Variants in PDZRN3 observed in about 807,000 individuals in gnomAD.
The protein encoded by PDZRN3 is E3 ubiquitin-protein ligase PDZRN3.
A neutral mutation model predicts 85.7 loss-of-function variants in PDZRN3; 38 were observed. That is an observed-to-expected ratio of 0.44 (90% CI 0.34 to 0.58). The LOEUF is 0.58. Among genes scored for constraint, PDZRN3 ranks in the 20% least tolerant of loss-of-function variants. PDZRN3 has a pLI of 0.01. For synonymous variants in PDZRN3, 759 were observed against 638.0 expected, an observed-to-expected ratio of 1.19 and a Z score of -2.86; for missense variants, 1,629 against 1,506.4, an observed-to-expected ratio of 1.08 and a Z score of -1.35.
chr3:73,589,192 T>C lies in PDZRN3; in HGVS notation c.918+13162A>G, dbSNP rs192503856. ...CCCAAGTAGCTGGGACACTTTTGGT[T>C]TGTATTTGTCACAAGCAACGTGCTT... On this transcript the variant is annotated intron_variant, in intron 3 of 9. Coordinates refer to ENST00000263666, the MANE Select transcript of PDZRN3 (RefSeq NM_015009.3). 8.3e-4 allele frequency among the ~76,000 whole-genome samples: 127 copies of C among 152,108 alleles called. 1 individual carries two copies. Among genetic ancestry groups the C allele is most frequent in the Admixed American group, 2.8e-3 (43 of 15,264 alleles).
intron 4 of PDZRN3, among the ~76,000 whole-genome samples, chr3:73,402,238 A>C (rs775542168): frequency 6.6e-6 from 1 of 152,220 alleles, no homozygotes; most frequent in Non-Finnish European, 1.5e-5. Context: ...TTTAGCTTCT[A>C]AAAGGCCCAT....
intron 7 of PDZRN3, among the ~76,000 whole-genome samples, chr3:73,389,569 G>A (rs944646648): frequency 6.6e-6 from 1 of 152,090 alleles, no homozygotes; most frequent in African/African-American, 2.4e-5. Flanking sequence ...CTCAAATTTT[G>A]CAAGGCCCTC....
chr3:73,417,282 T>TCTCCC (rs557986342), intron 3 of PDZRN3, among the ~76,000 whole-genome samples: 43 of 152,354 alleles, frequency 2.8e-4, no homozygotes, highest in Middle Eastern at 3.4e-3. Flanking sequence ...TTGATAATTT[T>TCTCCC]CTCCCTCTTG....
At chr3:73,528,413 T>C (rs1704574550) in intron 3 of PDZRN3, among the ~76,000 whole-genome samples, 1 of 152,088 alleles carries the variant, frequency 6.6e-6, no homozygotes, top group Non-Finnish European at 1.5e-5. Flanking sequence ...TCACGCAATA[T>C]ACAGGGGAGC....
In PDZRN3 at chr3:73,432,753, C is replaced by T. The variant is rs1027417777; in HGVS notation, c.919-28358G>A. On this transcript the variant is annotated intron_variant, in intron 3 of 9. Transcript: ENST00000263666. ...CAAGAAACACACACCCTTTGTTTCT[C>T]ACTTGCTGTAACAACCTTCTTTTAA... Among the ~76,000 whole-genome samples the T allele has an allele frequency of 7.9e-5, 12 of 152,286 alleles. No homozygotes were observed. In the South Asian group the frequency reaches 2.3e-3, roughly 29 times the overall value.
At chr3:73,527,936 T>C (rs980222792) in intron 3 of PDZRN3, among the ~76,000 whole-genome samples, 4 of 152,194 alleles carry the variant, frequency 2.6e-5, no homozygotes, top group Non-Finnish European at 5.9e-5. Flanking sequence ...TATCCCACGA[T>C]GAGCAGATGT....
chr3:73,536,488 G>A (rs1003864637), intron 3 of PDZRN3, among the ~76,000 whole-genome samples: 2 of 152,232 alleles, frequency 1.3e-5, no homozygotes, highest in Admixed American at 6.5e-5. Flanking sequence ...AGGTATGTGT[G>A]TCATTTTGGA....
chr3:73,553,086 G>A (rs1701601396), intron 3 of PDZRN3, among the ~76,000 whole-genome samples: 1 of 152,200 alleles, frequency 6.6e-6, no homozygotes, highest in African/African-American at 2.4e-5. Context: ...ACAAGGAAGG[G>A]AAAGTGTTTT....
intron 2 of PDZRN3, among the ~76,000 whole-genome samples, chr3:73,604,289 T>C (rs1702561245): frequency 6.6e-6 from 1 of 152,202 alleles, no homozygotes; most frequent in Non-Finnish European, 1.5e-5. Flanking sequence ...GCAGCTTCCT[T>C]TACTGAGCAC....
At chr3:73,420,842 T>G (rs1702185868) in intron 3 of PDZRN3, among the ~76,000 whole-genome samples, 1 of 152,210 alleles carries the variant, frequency 6.6e-6, no homozygotes, top group African/African-American at 2.4e-5. Context: ...CCATGAATTC[T>G]CAAGTTCCTG....
intron 3 of PDZRN3, among the ~76,000 whole-genome samples, chr3:73,539,945 T>C (rs1559728941): frequency 6.6e-6 from 1 of 151,890 alleles, no homozygotes; most frequent in African/African-American, 2.4e-5. Context: ...ATAAAAGGAA[T>C]GGAAAAAATA....
chr3:73,593,707 TATACACACAC>T (rs1429969035), intron 3 of PDZRN3, among the ~76,000 whole-genome samples: 6 of 100,900 alleles, frequency 5.9e-5, no homozygotes, highest in Non-Finnish European at 2.0e-5. Flanking sequence ...CCGAAATAAA[TATACACACAC>T]ACACACACAC....
At chr3:73,426,036 A>C (rs1220338280) in intron 3 of PDZRN3, among the ~76,000 whole-genome samples, 2 of 152,178 alleles carry the variant, frequency 1.3e-5, no homozygotes, top group Non-Finnish European at 2.9e-5. Context: ...ATTGGAAATT[A>C]ATCAGGTTAC....
rs757769035 is a variant in PDZRN3 at position 73,383,656 on chromosome 3, C to T, written c.2910G>A (p.Gly970=). The T allele has an allele frequency of 6.2e-7, 1 of 1,613,106 alleles. No individual in the cohort carries two copies. ...TCCTCTCCTCCTTGCTCCAGTAGCG[C>T]CCCATCTTCATCTCGCTCACCGCGT... is the stretch of plus-strand genomic sequence containing the variant. ...DDDAVSEMKM[G]RYWSKEERKQ... Residue 970 remains glycine (G), a synonymous_variant, in exon 10 of 10, where the codon GGG becomes GGA. Transcript: ENST00000263666.
At chr3:73,572,093 A>C (rs1161536455) in intron 3 of PDZRN3, among the ~76,000 whole-genome samples, 1 of 152,246 alleles carries the variant, frequency 6.6e-6, no homozygotes, top group Non-Finnish European at 1.5e-5. Context: ...CTTTTAAAGA[A>C]AAGCAAGCTG....
chr3:73,394,621 T>A (rs944520737), intron 5 of PDZRN3, among the ~76,000 whole-genome samples: 2 of 152,216 alleles, frequency 1.3e-5, no homozygotes, highest in African/African-American at 4.8e-5. Context: ...TTACTCTAGG[T>A]ATTTACTTGA....
chr3:73,570,414 G>A (rs886397863), intron 3 of PDZRN3, among the ~76,000 whole-genome samples: 2 of 152,204 alleles, frequency 1.3e-5, no homozygotes, highest in African/African-American at 4.8e-5. Flanking sequence ...AGTAAAGGCT[G>A]CGTATGAATA....
intron 3 of PDZRN3, among the ~76,000 whole-genome samples, chr3:73,499,182 C>G (rs1173588441): frequency 6.6e-6 from 1 of 152,170 alleles, no homozygotes; most frequent in Non-Finnish European, 1.5e-5. Context: ...TTTCCTTGTC[C>G]CCTTCAGCAA....
intron 1 of PDZRN3, among the ~76,000 whole-genome samples, chr3:73,612,489 T>C (rs537414714): frequency 1.3e-5 from 2 of 152,314 alleles, no homozygotes; most frequent in South Asian, 4.1e-4. Flanking sequence ...ATTAAGAATG[T>C]CTATTATACC....
Sources: gnomAD v4.1 joint callset for allele counts (sites outside exome capture counted in the v4.1 genomes callset) on GRCh38, gnomAD v4.1.1 for gene constraint, MANE v1.5 for transcripts, NCBI Gene and HGNC (gene_info 2026-07-23, HGNC 2026-07-21) for gene names.